Variants in APOH observed in about 807,000 individuals in gnomAD.
APOH encodes the protein beta-2-glycoprotein 1.
Under a neutral mutation model 39.8 loss-of-function variants are expected in APOH, and 48 were observed. The ratio of observed to expected loss-of-function variants is 1.21; its 90% CI spans 0.96 to 1.54. APOH has a LOEUF of 1.54. Among genes scored for constraint, APOH ranks in the 40% most tolerant of loss-of-function variants. The pLI, the probability that APOH is intolerant of heterozygous loss-of-function variation, is 0.00. For synonymous variants in APOH, 153 were observed against 151.1 expected (o/e 1.01, Z -0.09); for missense variants, 415 against 421.2 (o/e 0.99, Z 0.13).
intron 5 of APOH, among the ~76,000 whole-genome samples, chr17:66,219,687 G>A (rs986919241): frequency 2.6e-5 from 4 of 152,184 alleles, no homozygotes; most frequent in African/African-American, 7.2e-5. Context: ...GAGAGACTGA[G>A]GCAGGCAGAT....
At chr17:66,223,795 C>A (rs2073418255) in intron 3 of APOH, 21 bp from the exon 4 acceptor site, 2 of 1,607,320 alleles carry the variant, frequency 1.2e-6, no homozygotes, top group Non-Finnish European at 1.7e-6. Context: ...AAAATTCATT[C>A]TATCAAGGAG....
intron 7 of APOH, among the ~76,000 whole-genome samples, chr17:66,212,829 T>C (rs1274241627): frequency 6.6e-6 from 1 of 152,220 alleles, no homozygotes; most frequent in African/African-American, 2.4e-5. Context: ...CCTGAAGAAA[T>C]ATATCAACAA....
rs772078990 is a variant in APOH, at chr17:66,229,362, G to A, written c.18C>T (p.Leu6=). 1 of 1,613,774 alleles carries A rather than the reference G, an allele frequency of 6.2e-7. No individual in the cohort carries two copies. Among genetic ancestry groups the A allele is most frequent in the South Asian group, 1.1e-5 (1 of 91,006 alleles). The change falls in exon 1 of 8, where the codon CTC becomes CTT. Residue 6 remains leucine (L), a synonymous_variant. Coordinates refer to ENST00000205948, the MANE Select transcript of APOH (RefSeq NM_000042.3). ...GGCAGAGAAAACTCGAGAACAAGATGAGCACTGGAGAAATCATTGTGGATG... is the reference window on the plus strand; with the variant it reads ...GGCAGAGAAAACTCGAGAACAAGATAAGCACTGGAGAAATCATTGTGGATG... MISPV[L]ILFSSFLCHV...
intron 3 of APOH, 37 bp downstream of exon 3, chr17:66,225,991 C>T (rs766759697): frequency 1.4e-6 from 2 of 1,430,350 alleles, no homozygotes; most frequent in Non-Finnish European, 2.0e-6. Flanking sequence ...AAAATGTGCT[C>T]AGTCTGTTAA....
chr17:66,214,389 A>G (rs988943845), intron 7 of APOH, 64 bp downstream of exon 7: 6 of 1,466,374 alleles, frequency 4.1e-6, no homozygotes, highest in South Asian at 1.1e-5. Flanking sequence ...ATTATAGAAC[A>G]AAGGCTCTGA....
intron 6 of APOH, among the ~76,000 whole-genome samples, 155 bp downstream of exon 6, chr17:66,216,633 C>T (rs1426659159): frequency 6.6e-6 from 1 of 152,196 alleles, no homozygotes; most frequent in Non-Finnish European, 1.5e-5. Flanking sequence ...CATGAGGCTT[C>T]CCCATGCACC....
rs112486572 is a variant in APOH, at chr17:66,229,221, G to A, written c.64+95C>T. 1.3e-3 allele frequency: 1,282 copies of A among 1,015,616 alleles called. 16 individuals are homozygous for A. In the African/African-American group the frequency reaches 0.018, roughly 14 times the overall value. 62.9% of individuals were successfully genotyped at this position (1,015,616 alleles called of 1,614,324 possible). A position where few individuals can be genotyped will look rare whatever the true frequency, so the allele number is the denominator to read the frequency against. On this transcript the variant is annotated intron_variant, in intron 1 of 7. Coordinates refer to ENST00000205948, the MANE Select transcript of APOH (RefSeq NM_000042.3). ...CAAAGTGCTGAGATTACAGATGTGA[G>A]CAAGCACGCCCGGCCTACTTATCAT... is the stretch of plus-strand genomic sequence containing the variant.
chr17:66,224,290 G>A (rs1027366236), intron 3 of APOH, among the ~76,000 whole-genome samples: 1 of 151,654 alleles, frequency 6.6e-6, no homozygotes, highest in South Asian at 2.1e-4. Flanking sequence ...GGGCAATGTG[G>A]CAAAGGCCCA....
At chr17:66,214,360 C>T in intron 7 of APOH, 93 bp downstream of exon 7, 2 of 1,260,954 alleles carry the variant, frequency 1.6e-6, no homozygotes. Flanking sequence ...CACCTGGCCT[C>T]ATCTGGTTTT....
At chr17:66,216,066 G>A (rs185653184) in intron 6 of APOH, among the ~76,000 whole-genome samples, 56 of 151,872 alleles carry the variant, frequency 3.7e-4, no homozygotes, top group Non-Finnish European at 6.5e-4. Context: ...TGGGCATGGT[G>A]GCTCACATCT....
At chr17:66,221,473 AT>A (rs1231926255) in intron 4 of APOH, among the ~76,000 whole-genome samples, 1 of 151,492 alleles carries the variant, frequency 6.6e-6, no homozygotes, top group East Asian at 1.9e-4. Context: ...CACCAAAAAA[AT>A]GAAGGAAATT....
chr17:66,217,341 T>G, intron 5 of APOH, among the ~76,000 whole-genome samples: 1 of 120,736 alleles, frequency 8.3e-6, no homozygotes, highest in Non-Finnish European at 1.8e-5. Context: ...ATGCAAAGAC[T>G]GAACCCCCCC....
intron 2 of APOH, among the ~76,000 whole-genome samples, chr17:66,227,681 T>G (rs1231524494): frequency 6.6e-6 from 1 of 152,214 alleles, no homozygotes; most frequent in Non-Finnish European, 1.5e-5. Context: ...CAAATTTTGT[T>G]TTTCCAAATG....
At chr17:66,213,422 T>G (rs4791079) in intron 7 of APOH, among the ~76,000 whole-genome samples, 102,452 of 152,138 alleles carry the variant, frequency 0.67, 35,368 homozygotes, top group East Asian at 0.92. Context: ...ACGAATTGCT[T>G]GAGAAAGGGG....
rs1971682 is a variant in APOH at position 66,214,285 on chromosome 17, G to A, written c.982+168C>T. On this transcript the variant is annotated intron_variant, in intron 7 of 7. Transcript: ENST00000205948. ...TTTTGGCCAGGCTGCTCTCAAACTC[G>A]TGACCTCAGGTGATCCACCCGCCTC... is the stretch of plus-strand genomic sequence containing the variant. Among the ~76,000 whole-genome samples the A allele has an allele frequency of 4.0e-3, 613 of 152,102 alleles. 2 individuals are homozygous for A. Among genetic ancestry groups the A allele is most frequent in the African/African-American group, 0.014 (564 of 41,498 alleles).
intron 2 of APOH, among the ~76,000 whole-genome samples, chr17:66,227,389 A>G (rs2073446563): frequency 6.6e-6 from 1 of 152,224 alleles, no homozygotes; most frequent in South Asian, 2.1e-4. Flanking sequence ...TAAATGTACC[A>G]TAAATTCAAT....
rs138141538 is a variant in APOH at position 66,226,027 on chromosome 17, C to T, written c.338+1G>A. On this transcript the variant is annotated splice_donor_variant, in intron 3 of 7. Coordinates refer to ENST00000205948, the MANE Select transcript of APOH (RefSeq NM_000042.3). LOFTEE classifies it high-confidence loss of function. ...CTGCTTAGTTCCATGAAAGTTCTTA[C>T]CCAGTGTTACAAGAAAAACTGATCG... 29 of 1,607,308 alleles carry T rather than the reference C, an allele frequency of 1.8e-5. No homozygotes were observed. The African/African-American group carries it at 1.9e-4, about 10-fold the overall frequency.
chr17:66,225,505 C>T (rs59934404), intron 3 of APOH, among the ~76,000 whole-genome samples: 2,179 of 152,296 alleles, frequency 0.014, 60 homozygotes, highest in African/African-American at 0.048. Context: ...TATTTTAACC[C>T]TATCCAAGAT....
chr17:66,220,811 G>GA (rs78195703), intron 4 of APOH, 69 bp from the exon 5 acceptor site: 18,819 of 1,186,848 alleles, frequency 0.016, 6 homozygotes, highest in South Asian at 0.023. Flanking sequence ...TTTCCAGAAA[G>GA]AAAAAAAAAA....
Sources: gnomAD v4.1 joint callset for allele counts (sites outside exome capture counted in the v4.1 genomes callset) on GRCh38, gnomAD v4.1.1 for gene constraint, MANE v1.5 for transcripts, NCBI Gene and HGNC (gene_info 2026-07-23, HGNC 2026-07-21) for gene names.